Variants in C12orf50 observed in about 807,000 individuals in gnomAD.
C12orf50 encodes zinc finger CCCH-type containing 11D, also known as uncharacterized protein C12orf50.
In C12orf50, 35 loss-of-function variants were observed where a neutral mutation model predicts 61.6. That is an observed-to-expected ratio of 0.57 (90% CI 0.43 to 0.75). The LOEUF (loss-of-function observed/expected upper bound fraction) is 0.75. C12orf50 is among the 30% of genes least tolerant of loss of function. The probability of loss-of-function intolerance (pLI) is 0.00; values close to 1 mark genes in which losing one functional copy is unlikely to be tolerated. For synonymous variants in C12orf50, 178 were observed against 161.5 expected (o/e 1.10, Z -0.77); for missense variants, 475 against 488.5 (o/e 0.97, Z 0.26).
At chr12:88,021,313 A>G (rs1039179189) in intron 3 of C12orf50, among the ~76,000 whole-genome samples, 25 of 151,946 alleles carry the variant, frequency 1.6e-4, no homozygotes, top group Middle Eastern at 6.8e-3. Flanking sequence ...AAAAAAAAAA[A>G]AGAGAAGATC....
intron 3 of C12orf50, among the ~76,000 whole-genome samples, chr12:88,005,268 C>G (rs1160234874): frequency 6.6e-6 from 1 of 152,166 alleles, no homozygotes; most frequent in African/African-American, 2.4e-5. Flanking sequence ...TTTTGAGTGA[C>G]TTTGTTGGAA....
Position 87,985,887 on chromosome 12 carries a change from G to T in C12orf50, c.1089C>A (p.Val363=), listed in dbSNP as rs763574291. 1 of 1,613,424 alleles carries T rather than the reference G, an allele frequency of 6.2e-7. No individual in the cohort carries two copies. Among genetic ancestry groups the T allele is most frequent in the Non-Finnish European group, 8.5e-7 (1 of 1,179,850 alleles). Residue 363 remains valine (V), a synonymous_variant, in exon 11 of 13, where the codon GTC becomes GTA. Coordinates refer to ENST00000298699, the MANE Select transcript of C12orf50 (RefSeq NM_152589.3). Reference sequence around the variant, plus strand: ...TGGGTTTGGGTTCCCTGTTAGCATGGACTTTATTGTAGGACCCATGCGTGG... The same window carrying T: ...TGGGTTTGGGTTCCCTGTTAGCATGTACTTTATTGTAGGACCCATGCGTGG... ...SRPTHGSYNK[V]HANREPKPNL...
chr12:87,991,696 C>G (rs1184205664), intron 7 of C12orf50, among the ~76,000 whole-genome samples: 1 of 152,080 alleles, frequency 6.6e-6, no homozygotes, highest in Non-Finnish European at 1.5e-5. Context: ...AATGATGTAC[C>G]ACTAGCCACT....
intron 3 of C12orf50, among the ~76,000 whole-genome samples, chr12:88,012,637 AACTG>A (rs1186034130): frequency 6.6e-6 from 1 of 152,376 alleles, no homozygotes; most frequent in East Asian, 1.9e-4. Flanking sequence ...ATTTTAAAAT[AACTG>A]ACTGATCTTC....
chr12:88,028,400 G>C (rs1340236953), intron 1 of C12orf50, among the ~76,000 whole-genome samples: 1 of 152,122 alleles, frequency 6.6e-6, no homozygotes, highest in Non-Finnish European at 1.5e-5. Context: ...ATTATTTCTT[G>C]CATGAGCACA....
rs192769577 is a variant in C12orf50 at position 88,014,755 on chromosome 12, G to A, written c.133+11733C>T. Reference sequence around the variant, plus strand: ...CTGTATCTATTCGGCCAGTTTTTATGATGATTAAATAAAATCAGGCACGAA... The same window carrying A: ...CTGTATCTATTCGGCCAGTTTTTATAATGATTAAATAAAATCAGGCACGAA... On this transcript the variant is annotated intron_variant, in intron 3 of 12. Coordinates refer to ENST00000298699, the MANE Select transcript of C12orf50 (RefSeq NM_152589.3). Among the ~76,000 whole-genome samples, 24 of 152,286 alleles carry A rather than the reference G, an allele frequency of 1.6e-4. No homozygotes were observed. In the East Asian group the frequency reaches 3.9e-3, roughly 25 times the overall value.
In C12orf50 at chr12:87,998,152, G is replaced by A. The variant is rs536248523; in HGVS notation, c.172C>T (p.Leu58Phe). 5.0e-6 allele frequency: 8 copies of A among 1,612,542 alleles called. No individual in the cohort carries two copies. The highest frequency in any genetic ancestry group is 4.0e-5 in the African/African-American group (3 of 75,004). ...AGAGGTTCTTGACTCTGGGACTGGA[G>A]TGGAATTCCTTCCTGAATTTCTTTC... ...LQKEIQEGIPLQSQSQEPLKP... is the reference protein window; with the variant it reads ...LQKEIQEGIPFQSQSQEPLKP... Residue 58 changes from leucine to phenylalanine, a missense_variant, in exon 4 of 13, where the codon CTC becomes TTC. By Grantham distance (22) the Leu-to-Phe change is conservative. Coordinates refer to ENST00000298699, the MANE Select transcript of C12orf50 (RefSeq NM_152589.3).
At chr12:87,988,011 A>T (rs748182283) in intron 8 of C12orf50, 45 bp from the exon 9 acceptor site, 45 of 1,293,828 alleles carry the variant, frequency 3.5e-5, no homozygotes, top group Middle Eastern at 3.7e-4. Context: ...ATTAGTTTTT[A>T]AAAAAAGCAT....
intron 3 of C12orf50, among the ~76,000 whole-genome samples, chr12:88,013,782 G>A (rs1169587061): frequency 2.0e-5 from 3 of 152,074 alleles, no homozygotes; most frequent in Admixed American, 2.0e-4. Flanking sequence ...AAAGTTGGGG[G>A]GAAAACAAAA....
At chr12:87,982,463 G>A (rs993502227) in intron 12 of C12orf50, among the ~76,000 whole-genome samples, 6 of 152,158 alleles carry the variant, frequency 3.9e-5, no homozygotes, top group Admixed American at 1.3e-4. Flanking sequence ...TGTCTGAGAA[G>A]TAATCGAAAG....
intron 3 of C12orf50, among the ~76,000 whole-genome samples, chr12:88,004,944 C>A (rs904815074): frequency 6.6e-6 from 1 of 152,018 alleles, no homozygotes; most frequent in Non-Finnish European, 1.5e-5. Flanking sequence ...ATGCTTATAA[C>A]CTGGGTGACG....
Position 88,026,572 on chromosome 12 carries a change from G to T in C12orf50, c.49C>A (p.Pro17Thr). 1 of 1,613,762 alleles carries T rather than the reference G, an allele frequency of 6.2e-7. No individual in the cohort carries two copies. The highest frequency in any genetic ancestry group is 8.5e-7 in the Non-Finnish European group (1 of 1,179,980). ...CSISCFWETQ[P>T]LGCVKISCIF... ...CAGCTGATCTTCACACAACCAAGAG[G>T]CTGAGTTTCCCAGAAGCATGAAATG... Residue 17 changes from proline to threonine, a missense_variant, in exon 3 of 13, where the codon CCT becomes ACT. Physicochemically the swap from Pro to Thr is conservative, Grantham distance 38 (BLOSUM62 -1). Coordinates refer to ENST00000298699, the MANE Select transcript of C12orf50 (RefSeq NM_152589.3).
At chr12:88,006,677 G>A (rs907009168) in intron 3 of C12orf50, among the ~76,000 whole-genome samples, 9 of 152,114 alleles carry the variant, frequency 5.9e-5, no homozygotes, top group Non-Finnish European at 1.3e-4. Flanking sequence ...TTATGCTTGG[G>A]GCTGGATGAA....
intron 3 of C12orf50, among the ~76,000 whole-genome samples, chr12:88,007,453 G>T (rs1051705862): frequency 6.6e-6 from 1 of 152,178 alleles, no homozygotes; most frequent in African/African-American, 2.4e-5. Context: ...CACAGTACTG[G>T]AGGTTGAGAA....
At chr12:88,008,578 T>G (rs2031981005) in intron 3 of C12orf50, among the ~76,000 whole-genome samples, 1 of 152,112 alleles carries the variant, frequency 6.6e-6, no homozygotes, top group Admixed American at 6.6e-5. Context: ...TATAAAGAAT[T>G]ATTTATATAA....
intron 3 of C12orf50, among the ~76,000 whole-genome samples, chr12:88,018,893 T>C (rs2032410609): frequency 6.6e-6 from 1 of 152,198 alleles, no homozygotes; most frequent in Non-Finnish European, 1.5e-5. Flanking sequence ...AACCCCATTG[T>C]ATGTAGGAAG....
At chr12:87,987,084 G>C (rs2030864667) in intron 9 of C12orf50, among the ~76,000 whole-genome samples, 1 of 152,136 alleles carries the variant, frequency 6.6e-6, no homozygotes, top group Non-Finnish European at 1.5e-5. Context: ...CAAGGCTCCT[G>C]AAAATTCACA....
intron 3 of C12orf50, among the ~76,000 whole-genome samples, chr12:88,018,750 G>A (rs1275842902): frequency 1.3e-5 from 2 of 152,166 alleles, no homozygotes; most frequent in Non-Finnish European, 2.9e-5. Context: ...TGTGAGACCT[G>A]GAGTCAAAGG....
At chr12:88,001,000 C>A (rs1400280498) in intron 3 of C12orf50, among the ~76,000 whole-genome samples, 1 of 151,694 alleles carries the variant, frequency 6.6e-6, no homozygotes, top group Non-Finnish European at 1.5e-5. Context: ...AATACAGAAG[C>A]CTTTTAGCTG....
Sources: allele counts gnomAD v4.1 joint callset (sites outside exome capture counted in the v4.1 genomes callset), GRCh38; gene constraint gnomAD v4.1.1; transcripts MANE v1.5; gene names NCBI Gene and HGNC (gene_info 2026-07-23, HGNC 2026-07-21).